RCAN1: variants seen among roughly 807,000 people sequenced by gnomAD.
RCAN1 encodes calcipressin-1.
Under a neutral mutation model 22.9 loss-of-function variants are expected in RCAN1, and 11 were observed. The ratio of observed to expected loss-of-function variants is 0.48; its 90% CI spans 0.30 to 0.79. RCAN1 has a LOEUF of 0.79. RCAN1 is among the 30% of genes least tolerant of loss of function. RCAN1 has a pLI of 0.06. For synonymous variants in RCAN1, 136 were observed against 142.3 expected (o/e 0.96, Z 0.32); for missense variants, 291 against 337.8 (o/e 0.86, Z 1.09).
At chr21:34,587,611 A>G (rs59706003) in intron 1 of RCAN1, among the ~76,000 whole-genome samples, 10,330 of 152,248 alleles carry the variant, frequency 0.068, 448 homozygotes, top group East Asian at 0.15. Context: ...GTGAATATAT[A>G]TATGTTAAAA....
intron 1 of RCAN1, among the ~76,000 whole-genome samples, chr21:34,550,473 T>A (rs985859770): frequency 3.3e-5 from 5 of 152,034 alleles, no homozygotes; most frequent in Admixed American, 3.3e-4. Flanking sequence ...ATCTGCTGGG[T>A]GTCATTATAA....
At chr21:34,589,711 G>C (rs189795392) in intron 1 of RCAN1, among the ~76,000 whole-genome samples, 69 of 151,780 alleles carry the variant, frequency 4.5e-4, no homozygotes, top group Middle Eastern at 6.8e-3. Context: ...AGAACAAAAG[G>C]GGGGAGTCTG....
intron 1 of RCAN1, among the ~76,000 whole-genome samples, chr21:34,583,706 C>T (rs996645984): frequency 1.3e-5 from 2 of 152,124 alleles, no homozygotes; most frequent in South Asian, 2.1e-4. Flanking sequence ...AAAGGTCTGT[C>T]GTTTAAGCCC....
At chr21:34,563,695 T>C (rs1986876526) in intron 1 of RCAN1, among the ~76,000 whole-genome samples, 1 of 148,480 alleles carries the variant, frequency 6.7e-6, no homozygotes, top group Non-Finnish European at 1.5e-5. Flanking sequence ...GATCACTTGA[T>C]GTCAGGAGTT....
At chr21:34,595,160 T>C (rs1431327028) in intron 1 of RCAN1, among the ~76,000 whole-genome samples, 1 of 152,240 alleles carries the variant, frequency 6.6e-6, no homozygotes, top group Non-Finnish European at 1.5e-5. Flanking sequence ...AAACAGTGCC[T>C]GACACAGAAC....
chr21:34,564,467 C>A (rs2123670983), intron 1 of RCAN1, among the ~76,000 whole-genome samples: 1 of 152,208 alleles, frequency 6.6e-6, no homozygotes, highest in East Asian at 1.9e-4. Flanking sequence ...GGGAAGACTG[C>A]CCTGGGCCGC....
intron 1 of RCAN1, among the ~76,000 whole-genome samples, chr21:34,576,665 G>A (rs971040350): frequency 2.0e-5 from 3 of 152,186 alleles, no homozygotes; most frequent in African/African-American, 7.2e-5. Flanking sequence ...GAACATTTTG[G>A]TCAATGTCTG....
intron 1 of RCAN1, among the ~76,000 whole-genome samples, chr21:34,554,495 A>G (rs1381768533): frequency 6.6e-6 from 1 of 152,208 alleles, no homozygotes; most frequent in African/African-American, 2.4e-5. Context: ...GGCCAGACTG[A>G]ACACACCTGA....
intron 1 of RCAN1, among the ~76,000 whole-genome samples, chr21:34,545,220 T>C (rs959995608): frequency 2.0e-5 from 3 of 152,218 alleles, no homozygotes; most frequent in East Asian, 1.9e-4. Context: ...GTTTGCTTCT[T>C]GCTCTCAGAG....
intron 1 of RCAN1, among the ~76,000 whole-genome samples, chr21:34,612,077 G>A (rs906738488): frequency 1.3e-5 from 2 of 152,088 alleles, no homozygotes; most frequent in Admixed American, 1.3e-4. Context: ...TGGAGGCTCT[G>A]CCCCTTTCTC....
intron 1 of RCAN1, among the ~76,000 whole-genome samples, chr21:34,542,072 A>C (rs377736443): frequency 4.6e-5 from 7 of 152,334 alleles, no homozygotes; most frequent in East Asian, 3.9e-4. Context: ...GGGCTTGGAA[A>C]GTGCCTATAA....
intron 1 of RCAN1, among the ~76,000 whole-genome samples, chr21:34,552,567 CA>C (rs1986409212): frequency 2.0e-5 from 3 of 151,934 alleles, no homozygotes; most frequent in Non-Finnish European, 4.4e-5. Context: ...ACCAGGTTGC[CA>C]AAGGCATCAG....
At chr21:34,551,285 T>C (rs1302333062) in intron 1 of RCAN1, among the ~76,000 whole-genome samples, 4 of 152,248 alleles carry the variant, frequency 2.6e-5, no homozygotes, top group Non-Finnish European at 5.9e-5. Context: ...GCTTCTAAAC[T>C]GGAAAAGTCA....
chr21:34,547,526 G>A (rs1014172813), intron 1 of RCAN1, among the ~76,000 whole-genome samples: 1 of 152,196 alleles, frequency 6.6e-6, no homozygotes, highest in African/African-American at 2.4e-5. Flanking sequence ...AACACCCAGT[G>A]CAATGGTGCT....
intron 3 of RCAN1, among the ~76,000 whole-genome samples, chr21:34,519,397 C>CTTTCTTTTTT (rs1555853490): frequency 9.7e-6 from 1 of 102,786 alleles, no homozygotes; most frequent in African/African-American, 3.7e-5. Context: ...TTCTTTCTTT[C>CTTTCTTTTTT]TTTTTTTTTT....
At chr21:34,526,749 T>C (rs199936990) in intron 1 of RCAN1, 28 of 1,612,004 alleles carry the variant, frequency 1.7e-5, no homozygotes, top group Non-Finnish European at 2.2e-5. Context: ...CTAAAATGCA[T>C]CTTGCTTTCT....
intron 1 of RCAN1, among the ~76,000 whole-genome samples, chr21:34,571,874 C>G (rs1426993312): frequency 1.3e-5 from 2 of 152,166 alleles, no homozygotes; most frequent in South Asian, 2.1e-4. Flanking sequence ...GATATTAAAA[C>G]CATTTAGACA....
intron 1 of RCAN1, among the ~76,000 whole-genome samples, chr21:34,578,112 A>C (rs868044687): frequency 4.7e-5 from 7 of 150,352 alleles, no homozygotes; most frequent in South Asian, 4.3e-4. Flanking sequence ...CACACAGTCC[A>C]GAGGACAACC....
chr21:34,538,583 TG>T lies in RCAN1; in HGVS notation c.253-14874del, dbSNP rs1985782555. Among the ~76,000 whole-genome samples the T allele has an allele frequency of 2.0e-5, 3 of 151,536 alleles. No homozygotes were observed. In the South Asian group the frequency reaches 6.3e-4, roughly 32 times the overall value. On this transcript the variant is annotated intron_variant, in intron 1 of 3. Coordinates refer to ENST00000313806, the MANE Select transcript of RCAN1 (RefSeq NM_004414.7). ...CAGGGGAGGTTATTAGGACGAGTGG[TG>T]GGGAGGGGAAAGGAAACTGGGCAGA...
Sources: allele counts gnomAD v4.1 joint callset (sites outside exome capture counted in the v4.1 genomes callset), GRCh38; gene constraint gnomAD v4.1.1; transcripts MANE v1.5; gene names NCBI Gene and HGNC (gene_info 2026-07-23, HGNC 2026-07-21).